KCNMB2: variants seen among roughly 807,000 people sequenced by gnomAD.
The protein encoded by KCNMB2 is potassium calcium-activated channel subfamily M regulatory beta subunit 2, also known as calcium-activated potassium channel subunit beta-2.
A neutral mutation model predicts 24.5 loss-of-function variants in KCNMB2; 9 were observed. The observed-to-expected ratio is 0.37, with a 90% CI of 0.22 to 0.64. The LOEUF (loss-of-function observed/expected upper bound fraction) is 0.64. KCNMB2 is among the 30% of genes least tolerant of loss of function. KCNMB2 has a pLI of 0.63. For missense variants in KCNMB2, 226 were observed against 284.3 expected (o/e 0.79, Z 1.47); for synonymous variants, 109 against 104.4 (o/e 1.04, Z -0.27).
intron 2 of KCNMB2, among the ~76,000 whole-genome samples, chr3:178,809,864 G>A (rs1016022848): frequency 2.0e-5 from 3 of 152,088 alleles, no homozygotes; most frequent in Admixed American, 6.6e-5. Flanking sequence ...TATTGACTAC[G>A]AAGAAATCAT....
intron 2 of KCNMB2, 51 bp from the exon 3 acceptor site, chr3:178,825,537 G>A (rs748481374): frequency 1.3e-6 from 2 of 1,507,698 alleles, no homozygotes; most frequent in Non-Finnish European, 9.1e-7. Flanking sequence ...CTCTCTAGGG[G>A]CATGCTGATT....
At chr3:178,631,634 A>T (rs1246444420) in intron 1 of KCNMB2, among the ~76,000 whole-genome samples, 2 of 152,248 alleles carry the variant, frequency 1.3e-5, no homozygotes, top group African/African-American at 4.8e-5. Flanking sequence ...ATAGCCAGGT[A>T]GACAAAGAAT....
intron 1 of KCNMB2, among the ~76,000 whole-genome samples, chr3:178,602,025 C>G (rs935601121): frequency 2.6e-5 from 4 of 152,132 alleles, no homozygotes; most frequent in African/African-American, 9.7e-5. Flanking sequence ...ATGATTTTTC[C>G]TCAACAGGTT....
chr3:178,716,556 G>A (rs183313984), intron 1 of KCNMB2, among the ~76,000 whole-genome samples: 2 of 151,018 alleles, frequency 1.3e-5, no homozygotes, highest in Admixed American at 6.7e-5. Context: ...CGATTGTCCT[G>A]CCTCAGCTTC....
At chr3:178,632,885 G>C (rs1164655380) in intron 1 of KCNMB2, among the ~76,000 whole-genome samples, 1 of 152,170 alleles carries the variant, frequency 6.6e-6, no homozygotes, top group Non-Finnish European at 1.5e-5. Flanking sequence ...TAGATACCAT[G>C]GGAGTACAGG....
intron 1 of KCNMB2, among the ~76,000 whole-genome samples, chr3:178,602,222 C>T (rs148961557): frequency 1.9e-5 from 1 of 51,406 alleles, no homozygotes; most frequent in Non-Finnish European, 4.4e-5. Flanking sequence ...TCTAGGGTAA[C>T]TAACTATCTC....
At chr3:178,597,627 A>G (rs943843465) in intron 1 of KCNMB2, among the ~76,000 whole-genome samples, 4 of 152,162 alleles carry the variant, frequency 2.6e-5, no homozygotes, top group Non-Finnish European at 2.9e-5. Context: ...GTGATACAAC[A>G]AACACATCAT....
At chr3:178,750,866 A>T (rs1253215803) in intron 1 of KCNMB2, among the ~76,000 whole-genome samples, 1 of 152,228 alleles carries the variant, frequency 6.6e-6, no homozygotes. Flanking sequence ...CAGGCAAATT[A>T]ACTTCCTGCT....
At chr3:178,715,175 G>A (rs762591799) in intron 1 of KCNMB2, among the ~76,000 whole-genome samples, 1 of 152,118 alleles carries the variant, frequency 6.6e-6, no homozygotes, top group Non-Finnish European at 1.5e-5. Flanking sequence ...AGCAATGTGG[G>A]CTGATTATTG....
At chr3:178,603,862 T>C (rs1269454380) in intron 1 of KCNMB2, among the ~76,000 whole-genome samples, 2 of 152,106 alleles carry the variant, frequency 1.3e-5, no homozygotes, top group South Asian at 2.1e-4. Flanking sequence ...AAAGCAACCA[T>C]GAAGGCTGGT....
At chr3:178,700,076 C>T (rs1023926319) in intron 1 of KCNMB2, among the ~76,000 whole-genome samples, 1 of 152,198 alleles carries the variant, frequency 6.6e-6, no homozygotes, top group Non-Finnish European at 1.5e-5. Context: ...GGCATCTATC[C>T]AAGCCAGTAT....
chr3:178,576,802 C>T (rs1717010988), intron 1 of KCNMB2, among the ~76,000 whole-genome samples: 1 of 152,230 alleles, frequency 6.6e-6, no homozygotes. Flanking sequence ...GATTCATCCT[C>T]CCTGGGCAGG....
chr3:178,587,680 A>G (rs6765862), intron 1 of KCNMB2, among the ~76,000 whole-genome samples: 68,665 of 145,820 alleles, frequency 0.47, 16,491 homozygotes, highest in Middle Eastern at 0.56. Context: ...TCATGATCTC[A>G]GGTGATCCGC....
intron 1 of KCNMB2, among the ~76,000 whole-genome samples, chr3:178,714,354 A>G (rs1722550137): frequency 6.6e-6 from 1 of 152,184 alleles, no homozygotes; most frequent in Non-Finnish European, 1.5e-5. Flanking sequence ...AGTAAGTTAC[A>G]AGTGCTCTCC....
intron 1 of KCNMB2, among the ~76,000 whole-genome samples, chr3:178,570,700 G>C (rs1049671146): frequency 1.3e-5 from 2 of 151,946 alleles, no homozygotes; most frequent in Non-Finnish European, 2.9e-5. Context: ...GGAGCAGAAG[G>C]CACCAGCTAA....
At chr3:178,811,516 A>G (rs1454252241) in intron 2 of KCNMB2, among the ~76,000 whole-genome samples, 1 of 152,150 alleles carries the variant, frequency 6.6e-6, no homozygotes, top group Non-Finnish European at 1.5e-5. Context: ...TTATGTTGTT[A>G]TGATTTACCA....
chr3:178,632,192 T>C (rs1257438268), intron 1 of KCNMB2, among the ~76,000 whole-genome samples: 1 of 152,226 alleles, frequency 6.6e-6, no homozygotes, highest in Non-Finnish European at 1.5e-5. Context: ...CTGTTGGGTA[T>C]GTCCCTCTGC....
intron 1 of KCNMB2, among the ~76,000 whole-genome samples, chr3:178,648,756 G>C (rs1231831522): frequency 6.6e-6 from 1 of 152,060 alleles, no homozygotes; most frequent in Non-Finnish European, 1.5e-5. Context: ...CTCCATATAA[G>C]TCTGTTAAAG....
rs116595489 is a variant in KCNMB2, at chr3:178,695,359, C to T, written c.-67-111984C>T. ...TGACATATCCTGGAGACATTTTCCC[C>T]ATTGTCTTGGTGATTAGTGTCTGGC... On this transcript the variant is annotated intron_variant, in intron 1 of 4. Transcript: ENST00000452583. Among the ~76,000 whole-genome samples, 1,148 of 152,344 alleles carry T rather than the reference C, an allele frequency of 7.5e-3. 16 individuals carry two copies. The highest frequency in any genetic ancestry group is 0.027 in the African/African-American group (1,113 of 41,586).
Sources: allele counts gnomAD v4.1 joint callset (sites outside exome capture counted in the v4.1 genomes callset), GRCh38; gene constraint gnomAD v4.1.1; transcripts MANE v1.5; gene names NCBI Gene and HGNC (gene_info 2026-07-23, HGNC 2026-07-21).